The following STXBP5 variants were observed in gnomAD, a reference collection of about 807,000 sequenced individuals.
STXBP5 encodes the protein syntaxin binding protein 5.
In STXBP5, 50 loss-of-function variants were observed where a neutral mutation model predicts 152.4. That is an observed-to-expected ratio of 0.33 (90% CI 0.26 to 0.42). STXBP5 has a LOEUF of 0.42. Among genes scored for constraint, STXBP5 ranks in the 10% least tolerant of loss-of-function variants. The pLI is 1.00. For synonymous variants in STXBP5, 492 were observed against 494.7 expected (o/e 0.99, Z 0.07); for missense variants, 1,167 against 1,388.6 (o/e 0.84, Z 2.54).
chr6:147,362,406 A>G (rs1785107618), intron 23 of STXBP5, among the ~76,000 whole-genome samples: 2 of 152,196 alleles, frequency 1.3e-5, no homozygotes, highest in Admixed American at 6.5e-5. Flanking sequence ...TAATGTTATC[A>G]CTTAGTTTAC....
rs572953502 is a variant in STXBP5, at chr6:147,214,792, C to T, written c.248+8724C>T. On this transcript the variant is annotated intron_variant, in intron 2 of 27. Coordinates refer to ENST00000321680, the MANE Select transcript of STXBP5 (RefSeq NM_001127715.4). ...AATGTTACAGGGTATGAAAAAATAC[C>T]GTGCAGTCCAAAGTAATGCAAATCA... Among the ~76,000 whole-genome samples, 18 of 152,192 alleles carry T rather than the reference C, an allele frequency of 1.2e-4. No homozygotes were observed. The South Asian group carries it at 3.5e-3, about 30-fold the overall frequency.
At chr6:147,207,814 C>T (rs967271054) in intron 2 of STXBP5, among the ~76,000 whole-genome samples, 1 of 152,088 alleles carries the variant, frequency 6.6e-6, no homozygotes, top group Non-Finnish European at 1.5e-5. Context: ...GTGGTCTCGA[C>T]ATTCTTTTGG....
chr6:147,207,675 C>CT (rs1178826813), intron 2 of STXBP5, among the ~76,000 whole-genome samples: 2 of 151,978 alleles, frequency 1.3e-5, no homozygotes, highest in African/African-American at 2.4e-5. Context: ...AAAGCAGTTT[C>CT]TTTTTTTTCC....
intron 4 of STXBP5, among the ~76,000 whole-genome samples, chr6:147,260,332 C>T (rs893548943): frequency 6.6e-6 from 1 of 152,016 alleles, no homozygotes; most frequent in Non-Finnish European, 1.5e-5. Flanking sequence ...GTGTGGTATG[C>T]CCAAGGTTAC....
intron 7 of STXBP5, among the ~76,000 whole-genome samples, chr6:147,269,294 C>T (rs1332281962): frequency 6.6e-6 from 1 of 151,886 alleles, no homozygotes; most frequent in Non-Finnish European, 1.5e-5. Context: ...CTAAACTAGC[C>T]CTATACTAAA....
intron 18 of STXBP5, among the ~76,000 whole-genome samples, chr6:147,330,944 G>C (rs1450987061): frequency 6.6e-6 from 1 of 152,164 alleles, no homozygotes; most frequent in Admixed American, 6.5e-5. Flanking sequence ...AGCTGCTTTT[G>C]TGCTGCAACA....
intron 7 of STXBP5, among the ~76,000 whole-genome samples, chr6:147,270,625 A>G (rs1780119558): frequency 6.6e-6 from 1 of 152,274 alleles, no homozygotes; most frequent in East Asian, 1.9e-4. Context: ...AGATATGTTA[A>G]AAGAAGTCCT....
intron 26 of STXBP5, among the ~76,000 whole-genome samples, chr6:147,374,568 C>A (rs1257506174): frequency 3.9e-5 from 6 of 152,094 alleles, no homozygotes; most frequent in Admixed American, 6.6e-5. Context: ...GGATAAAATT[C>A]TCACTGAGGA....
intron 19 of STXBP5, among the ~76,000 whole-genome samples, chr6:147,336,119 T>C (rs1431716662): frequency 1.3e-5 from 2 of 152,190 alleles, no homozygotes; most frequent in African/African-American, 4.8e-5. Context: ...ATTATGTCGG[T>C]TTCTCCATAT....
chr6:147,208,287 C>A (rs988481546), intron 2 of STXBP5, among the ~76,000 whole-genome samples: 3 of 152,080 alleles, frequency 2.0e-5, no homozygotes, highest in African/African-American at 7.2e-5. Flanking sequence ...GTCATTCCTT[C>A]TGTTGGGTTT....
chr6:147,234,635 T>G (rs1778178247), intron 2 of STXBP5, among the ~76,000 whole-genome samples: 1 of 151,944 alleles, frequency 6.6e-6, no homozygotes, highest in African/African-American at 2.4e-5. Context: ...ATATAAATAT[T>G]TGCTGTTATT....
chr6:147,372,521 G>A lies in STXBP5; in HGVS notation c.3082-1210G>A, dbSNP rs574712403. ...GCAATCTCTGCCCACTGCAACTTCC[G>A]CCTCCCGGGTTCAAGCTATTCTCCT... is the stretch of plus-strand genomic sequence containing the variant. On this transcript the variant is annotated intron_variant, in intron 25 of 27. Transcript: ENST00000321680. Among the ~76,000 whole-genome samples, 194 of 129,426 alleles carry A rather than the reference G, an allele frequency of 1.5e-3. 2 individuals carry two copies. Among genetic ancestry groups the A allele is most frequent in the African/African-American group, 4.9e-3 (169 of 34,408 alleles). The allele number at this position is 129,426 out of a possible 152,430, so 84.9% of individuals were successfully genotyped here.
intron 9 of STXBP5, among the ~76,000 whole-genome samples, chr6:147,295,535 A>G (rs1002426877): frequency 1.3e-5 from 2 of 152,336 alleles, no homozygotes; most frequent in East Asian, 3.9e-4. Flanking sequence ...TAGAGCGCAG[A>G]AAGCGAGTGG....
At chr6:147,363,861 A>G in intron 24 of STXBP5, 140 bp from the exon 25 acceptor site, 4 of 1,375,590 alleles carry the variant, frequency 2.9e-6, no homozygotes, top group Non-Finnish European at 2.0e-6. Context: ...TATGAGGAGT[A>G]TAAACCATTT....
chr6:147,345,567 T>G (rs931500180), intron 21 of STXBP5, among the ~76,000 whole-genome samples: 1 of 152,244 alleles, frequency 6.6e-6, no homozygotes, highest in Non-Finnish European at 1.5e-5. Context: ...TTTATTCTAA[T>G]TGTTGAAACT....
At chr6:147,322,745 G>GT (rs1243854936) in intron 16 of STXBP5, among the ~76,000 whole-genome samples, 2 of 152,180 alleles carry the variant, frequency 1.3e-5, no homozygotes, top group Non-Finnish European at 2.9e-5. Flanking sequence ...TCATAGTAGA[G>GT]TTTTTTACAA....
chr6:147,345,433 A>G (rs1175927682), intron 21 of STXBP5, among the ~76,000 whole-genome samples: 1 of 152,198 alleles, frequency 6.6e-6, no homozygotes, highest in African/African-American at 2.4e-5. Context: ...ATATCCTGCA[A>G]ACTTGAGTTT....
intron 19 of STXBP5, among the ~76,000 whole-genome samples, chr6:147,336,116 C>T (rs1358999631): frequency 1.2e-4 from 19 of 152,134 alleles, no homozygotes. Context: ...GACATTATGT[C>T]GGTTTCTCCA....
At chr6:147,213,477 T>TGTGTGTGTGTGTGCGCGCGC in intron 2 of STXBP5, among the ~76,000 whole-genome samples, 169 of 131,302 alleles carry the variant, frequency 1.3e-3, no homozygotes, top group African/African-American at 4.0e-3. Flanking sequence ...TGTGTGTGTG[T>TGTGTGTGTGTGTGCGCGCGC]GCGCGCGCAT....
Sources: allele counts gnomAD v4.1 joint callset (sites outside exome capture counted in the v4.1 genomes callset), GRCh38; gene constraint gnomAD v4.1.1; transcripts MANE v1.5; gene names NCBI Gene and HGNC (gene_info 2026-07-23, HGNC 2026-07-21).